The following HPS4 variants were observed in gnomAD, a reference collection of about 807,000 sequenced individuals.
HPS4 encodes the protein HPS4 biogenesis of lysosomal organelles complex 3 subunit 2, also known as BLOC-3 complex member HPS4.
Under a neutral mutation model 70.3 loss-of-function variants are expected in HPS4, and 44 were observed. The observed-to-expected ratio is 0.63, with a 90% confidence interval of 0.49 to 0.80. The LOEUF is 0.80. HPS4 is among the 30% of genes least tolerant of loss of function. The pLI is 0.00. For synonymous variants in HPS4, 377 were observed against 355.9 expected (o/e 1.06, Z -0.67); for missense variants, 873 against 884.4 (o/e 0.99, Z 0.16).
At chr22:26,477,990 AG>A (rs1249832133) in intron 3 of HPS4, among the ~76,000 whole-genome samples, 2 of 152,216 alleles carry the variant, frequency 1.3e-5, no homozygotes, top group African/African-American at 4.8e-5. Context: ...ATTAGGAAAA[AG>A]AAAAAGAAAT....
intron 8 of HPS4, chr22:26,466,483 G>C (rs896972530): frequency 1.6e-6 from 1 of 629,598 alleles, no homozygotes; most frequent in Non-Finnish European, 2.8e-6. Flanking sequence ...CACACAGGCT[G>C]CAAGGCAGCA....
At position 26,452,810 on chromosome 22, in the gene HPS4, C is replaced by T. The variant is rs552928725; in HGVS notation, c.*423G>A. On this transcript the variant is annotated 3_prime_UTR_variant, in exon 14 of 14. Transcript: ENST00000398145. The stretch of plus-strand genomic sequence containing the variant: ...CCGGCACCTCGCTGTGCAGTCACAC[C>T]GCCTACCACCACCTGGTGTGGGGGT... The T allele has an allele frequency of 4.0e-4, 104 of 262,240 alleles. 1 individual carries two copies. Among genetic ancestry groups the T allele is most frequent in the South Asian group, 3.6e-3 (85 of 23,722 alleles). 16.2% of individuals were successfully genotyped at this position (262,240 alleles called of 1,614,324 possible). A position where few individuals can be genotyped will look rare whatever the true frequency, so the allele number is the denominator to read the frequency against.
intron 4 of HPS4, chr22:26,475,949 G>GGGA (rs1407067066): frequency 6.6e-6 from 1 of 152,086 alleles, no homozygotes; most frequent in African/African-American, 2.4e-5. Flanking sequence ...AGGCTGAGAT[G>GGGA]GGAGGATCGT....
At chr22:26,477,451 A>G (rs1344585709) in intron 3 of HPS4, among the ~76,000 whole-genome samples, 1 of 152,122 alleles carries the variant, frequency 6.6e-6, no homozygotes, top group Non-Finnish European at 1.5e-5. Context: ...ACAGAACCGC[A>G]TTTCTGTTGC....
chr22:26,464,861 T>A, intron 10 of HPS4, 35 bp from the exon 11 acceptor site: 1 of 1,557,686 alleles, frequency 6.4e-7, no homozygotes, highest in South Asian at 1.2e-5. Context: ...AAGGGGCACG[T>A]TGACAGACTG....
chr22:26,472,918 G>A lies in HPS4; in HGVS notation c.298C>T (p.Leu100Phe). The A allele has an allele frequency of 6.2e-7, 1 of 1,614,196 alleles. No individual in the cohort carries two copies. The change falls in exon 5 of 14, where the codon CTC becomes TTC. Residue 100 changes from leucine to phenylalanine, a missense_variant. Leu to Phe is a conservative substitution (Grantham distance 22). Coordinates refer to ENST00000398145, the MANE Select transcript of HPS4 (RefSeq NM_022081.6). ...AACCGCTTGCAGCTGACATCAGGGA[G>A]CTCCACAGCACAGCCCAGCACCTGT... ...YLWVLGCAVE[L>F]PDVSCKRFLD...
intron 11 of HPS4, among the ~76,000 whole-genome samples, chr22:26,462,301 G>C (rs537818348): frequency 6.6e-6 from 1 of 152,162 alleles, no homozygotes; most frequent in South Asian, 2.1e-4. Context: ...CATAGAGCAC[G>C]AGCCACAGAA....
chr22:26,473,810 C>A (rs1033051656), intron 4 of HPS4, among the ~76,000 whole-genome samples: 1 of 152,094 alleles, frequency 6.6e-6, no homozygotes, highest in Non-Finnish European at 1.5e-5. Context: ...TGAAAAAGTT[C>A]CTATTACTTG....
At position 26,463,360 on chromosome 22, in the gene HPS4, C is replaced by T. The variant is rs554193666; in HGVS notation, c.1713+557G>A. Among the ~76,000 whole-genome samples, 33 of 152,328 alleles carry T rather than the reference C, an allele frequency of 2.2e-4. 2 individuals are homozygous for T. The highest frequency in any genetic ancestry group is 7.7e-4 in the African/African-American group (32 of 41,580). Reference sequence around the variant, plus strand: ...GTTTCTAGGGAACTCCCAACCCAGGCTGTGACACACTGCGGAGGAGTTTCC... The same window carrying T: ...GTTTCTAGGGAACTCCCAACCCAGGTTGTGACACACTGCGGAGGAGTTTCC... On this transcript the variant is annotated intron_variant, in intron 11 of 13. Coordinates refer to ENST00000398145, the MANE Select transcript of HPS4 (RefSeq NM_022081.6).
rs2087895306 is a variant in HPS4, at chr22:26,463,999, TAG to T, written c.1629_1630del (p.Tyr544HisfsTer14). On this transcript the variant is annotated frameshift_variant, in exon 11 of 14. Coordinates refer to ENST00000398145, the MANE Select transcript of HPS4 (RefSeq NM_022081.6). LOFTEE classifies it high-confidence loss of function. ...CACCAGCCCTTTGACGCAGTGAGTG[TAG>T]AGATTCATCCTCACGAGCCCCATGC... 1 of 1,614,208 alleles carries T rather than the reference TAG, an allele frequency of 6.2e-7. No homozygotes were observed. Among genetic ancestry groups the T allele is most frequent in the East Asian group, 2.2e-5 (1 of 44,878 alleles).
In HPS4 at chr22:26,458,354, G is replaced by A. The variant is rs571798788; in HGVS notation, c.1846+91C>T. 43 of 1,491,028 alleles carry A rather than the reference G, an allele frequency of 2.9e-5. No homozygotes were observed. In the African/African-American group the frequency reaches 4.1e-4, roughly 14 times the overall value. The allele number at this position is 1,491,028 out of a possible 1,614,324, so 92.4% of individuals were successfully genotyped here. ...AGGTCAGACAACTCTGTGCACAGCC[G>A]TGTCATCATGATGCTGGGGCTCAAG... On this transcript the variant is annotated intron_variant, in intron 12 of 13. Coordinates refer to ENST00000398145, the MANE Select transcript of HPS4 (RefSeq NM_022081.6).
chr22:26,456,026 A>C (rs1180242741), intron 13 of HPS4, among the ~76,000 whole-genome samples: 3 of 152,234 alleles, frequency 2.0e-5, no homozygotes, highest in Non-Finnish European at 4.4e-5. Context: ...CTGTGAATTA[A>C]AGCCAGAGAA....
In HPS4 at chr22:26,482,042, ATTCCTCTGGTTT is replaced by A; in HGVS notation, c.-292_-281del. On this transcript the variant is annotated 5_prime_UTR_variant, in exon 2 of 14. It removes an upstream start codon present in the reference 5' UTR. Coordinates refer to ENST00000398145, the MANE Select transcript of HPS4 (RefSeq NM_022081.6). Reference sequence around the variant, plus strand: ...GAATCCTAGCAGAAAAGTCAAATCCATTCCTCTGGTTTCCTAAGTATCACTGTGGCTGTCTGC... The same window carrying A: ...GAATCCTAGCAGAAAAGTCAAATCCACCTAAGTATCACTGTGGCTGTCTGC... 15 of 454,120 alleles carry A rather than the reference ATTCCTCTGGTTT, an allele frequency of 3.3e-5. No individual in the cohort carries two copies. 28.1% of individuals were successfully genotyped at this position (454,120 alleles called of 1,614,324 possible).
In HPS4 at chr22:26,452,415, T is replaced by A. The variant is rs1242084453; in HGVS notation, c.*818A>T. 2.2e-6 allele frequency: 1 copy of A among 453,218 alleles called. No homozygotes were observed. Among genetic ancestry groups the A allele is most frequent in the Non-Finnish European group, 4.4e-6 (1 of 226,062 alleles). 28.1% of individuals were successfully genotyped at this position (453,218 alleles called of 1,614,324 possible). Reference sequence around the variant, plus strand: ...ACGCAGCCACCACTGAAAAGCACAGTGCTTTTACCCCCAGACATCTTGTAA... The same window carrying A: ...ACGCAGCCACCACTGAAAAGCACAGAGCTTTTACCCCCAGACATCTTGTAA... On this transcript the variant is annotated 3_prime_UTR_variant, in exon 14 of 14. Transcript: ENST00000398145.
At chr22:26,469,605 C>T (rs974639844) in intron 7 of HPS4, among the ~76,000 whole-genome samples, 5 of 150,650 alleles carry the variant, frequency 3.3e-5, no homozygotes, top group African/African-American at 4.9e-5. Flanking sequence ...TGTCTATAAT[C>T]CAAGCAGTTT....
chr22:26,454,610 C>T (rs2085760186), intron 13 of HPS4, among the ~76,000 whole-genome samples: 1 of 152,158 alleles, frequency 6.6e-6, no homozygotes, highest in African/African-American at 2.4e-5. Flanking sequence ...ACATGTTAGA[C>T]CTAAAACCAT....
In HPS4 at chr22:26,483,679, T is replaced by G. The variant is rs866124482; in HGVS notation, c.-484A>C. On this transcript the variant is annotated 5_prime_UTR_variant, in exon 1 of 14. Coordinates refer to ENST00000398145, the MANE Select transcript of HPS4 (RefSeq NM_022081.6). ...TCCGAGCGCCGCCCACCCACCGGAG[T>G]AGCCAGGCATCCCAGTGCTCGGGGT... is the stretch of plus-strand genomic sequence containing the variant. 2.6e-6 allele frequency: 1 copy of G among 380,642 alleles called. No homozygotes were observed. 23.6% of individuals were successfully genotyped at this position (380,642 alleles called of 1,614,324 possible).
At chr22:26,447,218 C>T (rs1005650918), downstream of HPS4, among the ~76,000 whole-genome samples, 3 of 151,890 alleles carry the variant, frequency 2.0e-5, no homozygotes, top group African/African-American at 7.3e-5. Flanking sequence ...TTTTCTGGGA[C>T]GACTGTGAAA....
chr22:26,481,913 T>C lies in HPS4; in HGVS notation c.-151A>G. 1 of 748,360 alleles carries C rather than the reference T, an allele frequency of 1.3e-6. No homozygotes were observed. The highest frequency in any genetic ancestry group is 2.4e-6 in the Non-Finnish European group (1 of 417,416). 46.4% of individuals were successfully genotyped at this position (748,360 alleles called of 1,614,324 possible). ...TTTTCAGTCACAACTGCCACTTGGT[T>C]AGTTTTCACTCAGCATGGAAAGTTC... On this transcript the variant is annotated 5_prime_UTR_variant, in exon 2 of 14. It removes the in-frame stop codon of an upstream open reading frame in the 5' UTR. Transcript: ENST00000398145.
Sources: allele counts gnomAD v4.1 joint callset (sites outside exome capture counted in the v4.1 genomes callset), GRCh38; gene constraint gnomAD v4.1.1; transcripts MANE v1.5; gene names NCBI Gene and HGNC (gene_info 2026-07-23, HGNC 2026-07-21).